The following PGBD5 variants were observed in gnomAD, a reference collection of about 807,000 sequenced individuals.
The protein encoded by PGBD5 is piggyBac transposable element derived 5, also known as piggyBac transposable element-derived protein 5.
Under a neutral mutation model 47.9 loss-of-function variants are expected in PGBD5, and 14 were observed. The ratio of observed to expected loss-of-function variants is 0.29; its 90% CI spans 0.19 to 0.46. PGBD5 has a LOEUF of 0.46. Ranked by LOEUF, PGBD5 falls within the 20% of genes least tolerant of loss-of-function variation. The pLI, the probability that PGBD5 is intolerant of heterozygous loss-of-function variation, is 1.00. For synonymous variants in PGBD5, 316 were observed against 306.3 expected, an observed-to-expected ratio of 1.03 and a Z score of -0.33; for missense variants, 635 against 716.0, an observed-to-expected ratio of 0.89 and a Z score of 1.29.
At chr1:230,345,464 G>C (rs1667461787) in intron 3 of PGBD5, among the ~76,000 whole-genome samples, 2 of 152,232 alleles carry the variant, frequency 1.3e-5, no homozygotes, top group South Asian at 4.1e-4. Flanking sequence ...GGGGAAACCT[G>C]GCTAGCTCCC....
At chr1:230,365,647 G>A (rs1013935998) in intron 1 of PGBD5, among the ~76,000 whole-genome samples, 1 of 152,188 alleles carries the variant, frequency 6.6e-6, no homozygotes, top group Admixed American at 6.5e-5. Flanking sequence ...CTGAGGGCAC[G>A]AAGTCAACCA....
At position 230,332,834 on chromosome 1, in the gene PGBD5, C is replaced by T; in HGVS notation, c.1273+10G>A. ...GCGCCCCACTGTGTCAATGGCGGAC[C>T]CGCACTCACCCTGCTGCACCGGGGA... On this transcript the variant is annotated intron_variant, in intron 5 of 6. Coordinates refer to ENST00000391860, the MANE Select transcript of PGBD5 (RefSeq NM_001258311.2). The T allele has an allele frequency of 6.2e-7, 1 of 1,614,110 alleles. No individual in the cohort carries two copies. The highest frequency in any genetic ancestry group is 8.5e-7 in the Non-Finnish European group (1 of 1,179,984).
rs1228871744 is a variant in PGBD5, at chr1:230,373,072, A to G, written c.332-15751T>C. 2.6e-5 allele frequency among the ~76,000 whole-genome samples: 4 copies of G among 152,022 alleles called. 1 individual carries two copies. The highest frequency in any genetic ancestry group is 2.6e-4 in the Admixed American group (4 of 15,262). On this transcript the variant is annotated intron_variant, in intron 1 of 6. Transcript: ENST00000391860. ...ATCAAAGGCTTCAGCTTCCTAAATCACTCCAGTGGTAAGGTGAGAACAGAG... is the reference window on the plus strand; with the variant it reads ...ATCAAAGGCTTCAGCTTCCTAAATCGCTCCAGTGGTAAGGTGAGAACAGAG...
chr1:230,420,894 C>T (rs1049519409), intron 1 of PGBD5, among the ~76,000 whole-genome samples: 1 of 152,056 alleles, frequency 6.6e-6, no homozygotes, highest in African/African-American at 2.4e-5. Flanking sequence ...AAAACAAAGG[C>T]GTGAGCAAGG....
At chr1:230,362,642 T>C (rs895176897) in intron 1 of PGBD5, among the ~76,000 whole-genome samples, 2 of 152,140 alleles carry the variant, frequency 1.3e-5, no homozygotes, top group East Asian at 3.9e-4. Context: ...GGTCTGCTTG[T>C]GTGGCCCGTC....
chr1:230,325,168 G>A (rs1667095922), intron 6 of PGBD5, 142 bp downstream of exon 6: 1 of 663,736 alleles, frequency 1.5e-6, no homozygotes, highest in Admixed American at 2.7e-5. Flanking sequence ...AGAAGCCCAG[G>A]CTGAGGGCAG....
At position 230,357,827 on chromosome 1, in the gene PGBD5, A is replaced by T. The variant is rs1488004009; in HGVS notation, c.332-506T>A. ...ATATATCATATAAATGTATACATCA[A>T]CATGTAAGTTTTAAAATTAAAATGT... On this transcript the variant is annotated intron_variant, in intron 1 of 6. Transcript: ENST00000391860. This position sits in a 1 kb window ranked among gnomAD's most constrained non-coding sequence, Gnocchi z 5.7. Among the ~76,000 whole-genome samples, 1 of 152,226 alleles carries T rather than the reference A, an allele frequency of 6.6e-6. No individual in the cohort carries two copies. The highest frequency in any genetic ancestry group is 6.5e-5 in the Admixed American group (1 of 15,284).
rs182430657 is a variant in PGBD5 at position 230,421,925 on chromosome 1, G to A, written c.331+3673C>T. Among the ~76,000 whole-genome samples, 362 of 152,254 alleles carry A rather than the reference G, an allele frequency of 2.4e-3. 3 individuals are homozygous for A. The highest frequency in any genetic ancestry group is 8.3e-3 in the African/African-American group (345 of 41,540). On this transcript the variant is annotated intron_variant, in intron 1 of 6. Transcript: ENST00000391860. ...TCTCAGTTTAATTCTGGTTTTGAGA[G>A]AAAGATTTTTCTTTTTATTAAAAAG... is the stretch of plus-strand genomic sequence containing the variant.
intron 1 of PGBD5, among the ~76,000 whole-genome samples, chr1:230,387,619 C>T (rs1416209449): frequency 6.6e-6 from 1 of 152,172 alleles, no homozygotes; most frequent in Non-Finnish European, 1.5e-5. Context: ...CTATGCAATA[C>T]TTTCCAGCTA....
intron 1 of PGBD5, among the ~76,000 whole-genome samples, chr1:230,370,122 G>A (rs1474085270): frequency 6.6e-6 from 1 of 152,232 alleles, no homozygotes; most frequent in African/African-American, 2.4e-5. Flanking sequence ...AGAGGGAAAG[G>A]ACGGGGATGG....
At chr1:230,339,978 C>T (rs903124981) in intron 3 of PGBD5, among the ~76,000 whole-genome samples, 1 of 151,970 alleles carries the variant, frequency 6.6e-6, no homozygotes, top group Non-Finnish European at 1.5e-5. Context: ...CCAAGACGGT[C>T]GATTTTAAGT....
At chr1:230,343,139 G>A (rs901740372) in intron 3 of PGBD5, among the ~76,000 whole-genome samples, 35 of 152,244 alleles carry the variant, frequency 2.3e-4, no homozygotes, top group African/African-American at 7.5e-4. Flanking sequence ...ACCATGCCCA[G>A]GAAGAGCTCA....
At chr1:230,407,514 GC>G (rs1464864626) in intron 1 of PGBD5, among the ~76,000 whole-genome samples, 1 of 152,184 alleles carries the variant, frequency 6.6e-6, no homozygotes, top group Non-Finnish European at 1.5e-5. Flanking sequence ...GAGTCTGACA[GC>G]CTGCTTGCTG....
chr1:230,405,470 G>A (rs957949358), intron 1 of PGBD5, among the ~76,000 whole-genome samples: 2 of 152,100 alleles, frequency 1.3e-5, no homozygotes, highest in African/African-American at 4.8e-5. Context: ...CTTATTTTAA[G>A]AATACAGTAT....
intron 4 of PGBD5, among the ~76,000 whole-genome samples, chr1:230,335,880 CA>C (rs1667316192): frequency 6.7e-6 from 1 of 148,504 alleles, no homozygotes; most frequent in Non-Finnish European, 1.5e-5. Flanking sequence ...CATACACGGA[CA>C]CACAGATGCA....
At chr1:230,419,942 A>G (rs1231543057) in intron 1 of PGBD5, among the ~76,000 whole-genome samples, 1 of 152,116 alleles carries the variant, frequency 6.6e-6, no homozygotes, top group Admixed American at 6.5e-5. Flanking sequence ...CCTGGACAAC[A>G]TGGCGAAACC....
In PGBD5 at chr1:230,316,287, T is replaced by C. The variant is rs1051947605; in HGVS notation, c.*7138A>G. 7 of 153,070 alleles carry C rather than the reference T, an allele frequency of 4.6e-5. No individual in the cohort carries two copies. The highest frequency in any genetic ancestry group is 7.4e-5 in the Non-Finnish European group (5 of 68,026). 9.5% of individuals were successfully genotyped at this position (153,070 alleles called of 1,614,324 possible). Reference sequence around the variant, plus strand: ...CATTGTACTTCTGATGTGGATACGGTGATGAAGCTACAAAGTCACACTATC... The same window carrying C: ...CATTGTACTTCTGATGTGGATACGGCGATGAAGCTACAAAGTCACACTATC... On this transcript the variant is annotated 3_prime_UTR_variant, in exon 7 of 7. Coordinates refer to ENST00000391860, the MANE Select transcript of PGBD5 (RefSeq NM_001258311.2).
chr1:230,423,128 A>G (rs925423781), intron 1 of PGBD5, among the ~76,000 whole-genome samples: 1 of 152,190 alleles, frequency 6.6e-6, no homozygotes, highest in Non-Finnish European at 1.5e-5. Context: ...AAACACATTT[A>G]TGTACATACA....
Position 230,315,205 on chromosome 1 carries a change from C to T in PGBD5, c.*8220G>A, listed in dbSNP as rs901936170. ...CTGAGAACCAGCCACCCCCTCACCC[C>T]CCACCAGAGTTCCCTGAAGGAACCA... On this transcript the variant is annotated 3_prime_UTR_variant, in exon 7 of 7. Coordinates refer to ENST00000391860, the MANE Select transcript of PGBD5 (RefSeq NM_001258311.2). 4 of 152,444 alleles carry T rather than the reference C, an allele frequency of 2.6e-5. No homozygotes were observed. Among genetic ancestry groups the T allele is most frequent in the African/African-American group, 9.6e-5 (4 of 41,562 alleles). 9.4% of individuals were successfully genotyped at this position (152,444 alleles called of 1,614,324 possible).
Sources: allele counts gnomAD v4.1 joint callset (sites outside exome capture counted in the v4.1 genomes callset), GRCh38; gene constraint gnomAD v4.1.1; non-coding constraint Gnocchi (gnomAD v3.1); transcripts MANE v1.5; gene names NCBI Gene and HGNC (gene_info 2026-07-23, HGNC 2026-07-21).